Variants in ADARB2 observed in about 807,000 individuals in gnomAD.
ADARB2 encodes inactive double-stranded RNA-specific editase B2.
Under a neutral mutation model 62.2 loss-of-function variants are expected in ADARB2, and 25 were observed. The observed-to-expected ratio is 0.40, with a 90% CI of 0.29 to 0.56. ADARB2 has a LOEUF of 0.56. Among genes scored for constraint, ADARB2 ranks in the 20% least tolerant of loss-of-function variants. The probability of loss-of-function intolerance (pLI) is 0.43; values close to 1 mark genes in which losing one functional copy is unlikely to be tolerated. For missense variants in ADARB2, 1,071 were observed against 1,077.4 expected (o/e 0.99, Z 0.08); for synonymous variants, 572 against 500.8 (o/e 1.14, Z -1.90).
chr10:1,586,864 C>T (rs1461722686), intron 1 of ADARB2, among the ~76,000 whole-genome samples: 4 of 152,014 alleles, frequency 2.6e-5, no homozygotes, highest in African/African-American at 4.8e-5. Flanking sequence ...TTTATTAACT[C>T]GTTAAAATAT....
Position 1,242,303 on chromosome 10 carries a change from G to A in ADARB2, c.1193-4C>T. 1 of 1,552,318 alleles carries A rather than the reference G, an allele frequency of 6.4e-7. No homozygotes were observed. The highest frequency in any genetic ancestry group is 8.7e-7 in the Non-Finnish European group (1 of 1,150,164). ...TGCGCCTGCCGAGCATCCAGGCCTG[G>A]GGACACAGATAGCATCAGAGCAGCG... On this transcript the variant is annotated splice_region_variant and splice_polypyrimidine_tract_variant and intron_variant, in intron 4 of 9. Coordinates refer to ENST00000381312, the MANE Select transcript of ADARB2 (RefSeq NM_018702.4).
At chr10:1,298,903 T>G (rs2387642) in intron 3 of ADARB2, among the ~76,000 whole-genome samples, 66,338 of 150,578 alleles carry the variant, frequency 0.44, 16,204 homozygotes, top group East Asian at 0.69. Context: ...CCATGCCCGG[T>G]TAAGTTTTTA....
At chr10:1,476,252 G>T (rs1831399250) in intron 1 of ADARB2, among the ~76,000 whole-genome samples, 2 of 152,156 alleles carry the variant, frequency 1.3e-5, no homozygotes, top group Admixed American at 1.3e-4. Flanking sequence ...GGAGCCAGGG[G>T]GGCCTGCCTC....
intron 1 of ADARB2, among the ~76,000 whole-genome samples, chr10:1,481,076 C>A (rs1434514193): frequency 6.6e-6 from 1 of 152,136 alleles, no homozygotes; most frequent in African/African-American, 2.4e-5. Flanking sequence ...AAACGTACTA[C>A]AAAGCTACAA....
chr10:1,658,011 C>T (rs1182437221), intron 1 of ADARB2, among the ~76,000 whole-genome samples: 1 of 151,380 alleles, frequency 6.6e-6, no homozygotes, highest in Non-Finnish European at 1.5e-5. Flanking sequence ...GTCTCTCTGT[C>T]TCTTATCTGA....
intron 1 of ADARB2, among the ~76,000 whole-genome samples, chr10:1,448,225 A>T (rs978949596): frequency 6.6e-6 from 1 of 152,226 alleles, no homozygotes; most frequent in Non-Finnish European, 1.5e-5. Context: ...ATCTATGAAG[A>T]GGCGAGGGGA....
At chr10:1,226,860 G>GGACC (rs376448359) in intron 6 of ADARB2, among the ~76,000 whole-genome samples, 3 of 151,830 alleles carry the variant, frequency 2.0e-5, no homozygotes, top group African/African-American at 4.8e-5. Flanking sequence ...CGGGGGTCAG[G>GGACC]TGGAGGCAGT....
At chr10:1,288,102 G>T (rs555798007) in intron 3 of ADARB2, among the ~76,000 whole-genome samples, 19 of 152,358 alleles carry the variant, frequency 1.2e-4, no homozygotes, top group Non-Finnish European at 2.5e-4. Context: ...AGCCTGAAAG[G>T]AGCTGAGGGG....
intron 3 of ADARB2, among the ~76,000 whole-genome samples, chr10:1,357,166 C>G (rs1054502143): frequency 2.6e-5 from 4 of 152,216 alleles, no homozygotes; most frequent in Non-Finnish European, 4.4e-5. Flanking sequence ...GCTCCTGGCC[C>G]ACTTGTGATT....
chr10:1,480,355 A>G (rs1365685260), intron 1 of ADARB2, among the ~76,000 whole-genome samples: 1 of 152,244 alleles, frequency 6.6e-6, no homozygotes, highest in Non-Finnish European at 1.5e-5. Flanking sequence ...AACACTTAAA[A>G]TTAGTTGCAT....
intron 1 of ADARB2, among the ~76,000 whole-genome samples, chr10:1,621,629 A>G (rs1833704696): frequency 6.6e-6 from 1 of 152,310 alleles, no homozygotes; most frequent in South Asian, 2.1e-4. Flanking sequence ...TTAGGAACAC[A>G]CTTAACAGCA....
At chr10:1,647,093 C>T (rs954463679) in intron 1 of ADARB2, among the ~76,000 whole-genome samples, 1 of 152,274 alleles carries the variant, frequency 6.6e-6, no homozygotes, top group Non-Finnish European at 1.5e-5. Context: ...ATTACAGTGC[C>T]TGCTGCTCTG....
chr10:1,624,033 G>A (rs146197073), intron 1 of ADARB2, among the ~76,000 whole-genome samples: 3,260 of 152,186 alleles, frequency 0.021, 128 homozygotes, highest in African/African-American at 0.075. Flanking sequence ...AAGAGTTTGA[G>A]ACCAGCCTGG....
intron 1 of ADARB2, among the ~76,000 whole-genome samples, chr10:1,574,308 G>A (rs1832981439): frequency 6.6e-6 from 1 of 152,250 alleles, no homozygotes; most frequent in Non-Finnish European, 1.5e-5. Context: ...GTCAGGCTGG[G>A]ACAAGGGCTT....
intron 1 of ADARB2, among the ~76,000 whole-genome samples, chr10:1,574,455 G>A (rs1017221408): frequency 6.6e-6 from 1 of 152,146 alleles, no homozygotes; most frequent in African/African-American, 2.4e-5. Flanking sequence ...AGACTTTCCT[G>A]GAAAGCACCA....
At chr10:1,654,471 C>T (rs1834150593) in intron 1 of ADARB2, among the ~76,000 whole-genome samples, 1 of 152,180 alleles carries the variant, frequency 6.6e-6, no homozygotes, top group African/African-American at 2.4e-5. Context: ...TCTGAAATCC[C>T]CTTCCGGCGT....
At chr10:1,429,061 G>C (rs948587592) in intron 1 of ADARB2, among the ~76,000 whole-genome samples, 9 of 152,140 alleles carry the variant, frequency 5.9e-5, no homozygotes, top group African/African-American at 1.9e-4. Context: ...TCTGAATAAG[G>C]TGGGTGGAGG....
chr10:1,218,452 C>T (rs561069267), intron 6 of ADARB2, among the ~76,000 whole-genome samples: 51 of 152,334 alleles, frequency 3.3e-4, no homozygotes, highest in African/African-American at 1.2e-3. Context: ...ATATCATTTA[C>T]ATACATATGA....
chr10:1,658,608 C>A (rs915719375), intron 1 of ADARB2, among the ~76,000 whole-genome samples: 7 of 152,210 alleles, frequency 4.6e-5, no homozygotes, highest in Admixed American at 6.5e-5. Flanking sequence ...CCCAGTGGTG[C>A]AGGGGAAGCT....
Sources: gnomAD v4.1 joint callset for allele counts (sites outside exome capture counted in the v4.1 genomes callset) on GRCh38, gnomAD v4.1.1 for gene constraint, MANE v1.5 for transcripts, NCBI Gene and HGNC (gene_info 2026-07-23, HGNC 2026-07-21) for gene names.